STX18: variants seen among roughly 807,000 people sequenced by gnomAD.
The protein encoded by STX18 is syntaxin 18.
A neutral mutation model predicts 50.1 loss-of-function variants in STX18; 40 were observed. The ratio of observed to expected loss-of-function variants is 0.80; its 90% confidence interval spans 0.62 to 1.04. STX18 has a LOEUF of 1.04. STX18 is among the 50% of genes least tolerant of loss of function. The pLI is 0.00. For synonymous variants in STX18, 158 were observed against 151.8 expected (o/e 1.04, Z -0.30); for missense variants, 410 against 415.8 (o/e 0.99, Z 0.12).
chr4:4,441,990 G>A (rs999132938), intron 5 of STX18, among the ~76,000 whole-genome samples: 2 of 152,208 alleles, frequency 1.3e-5, no homozygotes, highest in Non-Finnish European at 2.9e-5. Flanking sequence ...GGTGTTCACT[G>A]TAAAATTCAA....
At chr4:4,514,481 A>G (rs890442356) in intron 1 of STX18, among the ~76,000 whole-genome samples, 3 of 152,216 alleles carry the variant, frequency 2.0e-5, no homozygotes, top group Non-Finnish European at 4.4e-5. Context: ...GATTTCTACT[A>G]ACTTTTAAAA....
chr4:4,474,497 C>T (rs1728076893), intron 1 of STX18, among the ~76,000 whole-genome samples: 1 of 152,192 alleles, frequency 6.6e-6, no homozygotes, highest in Non-Finnish European at 1.5e-5. Flanking sequence ...AACTCCTAAT[C>T]GCCAGAACCT....
intron 2 of STX18, among the ~76,000 whole-genome samples, chr4:4,466,861 A>G (rs966020846): frequency 2.0e-5 from 3 of 152,186 alleles, no homozygotes; most frequent in Admixed American, 1.3e-4. Flanking sequence ...TTATTACTCA[A>G]ATCAGCCTCC....
At chr4:4,478,313 G>C (rs561552100) in intron 1 of STX18, among the ~76,000 whole-genome samples, 13 of 152,220 alleles carry the variant, frequency 8.5e-5, no homozygotes, top group Admixed American at 3.3e-4. Context: ...ACGACATGGG[G>C]GGCTTTGGAT....
chr4:4,479,509 C>G (rs1344624928), intron 1 of STX18, among the ~76,000 whole-genome samples: 4 of 152,168 alleles, frequency 2.6e-5, no homozygotes, highest in Non-Finnish European at 4.4e-5. Context: ...ACAGAACTAA[C>G]AGCCACAATC....
chr4:4,465,287 C>A (rs932207448), intron 2 of STX18, among the ~76,000 whole-genome samples: 1 of 152,148 alleles, frequency 6.6e-6, no homozygotes, highest in African/African-American at 2.4e-5. Context: ...TATAAAGACA[C>A]ATGGACAAGT....
intron 1 of STX18, among the ~76,000 whole-genome samples, chr4:4,517,843 T>G (rs1464965358): frequency 6.6e-6 from 1 of 151,816 alleles, no homozygotes; most frequent in Non-Finnish European, 1.5e-5. Flanking sequence ...GGTGTGGTCT[T>G]GGCTCACTGC....
At chr4:4,439,932 C>A (rs1433842204) in intron 5 of STX18, among the ~76,000 whole-genome samples, 1 of 152,236 alleles carries the variant, frequency 6.6e-6, no homozygotes, top group African/African-American at 2.4e-5. Flanking sequence ...TAGCAGTTAT[C>A]ACAGTCTATA....
chr4:4,451,261 G>C (rs1436900401), intron 5 of STX18, among the ~76,000 whole-genome samples: 1 of 152,176 alleles, frequency 6.6e-6, no homozygotes, highest in East Asian at 1.9e-4. Flanking sequence ...AAAATTTAAA[G>C]AGAACATAAA....
intron 1 of STX18, among the ~76,000 whole-genome samples, chr4:4,489,551 G>T (rs1300240401): frequency 6.6e-6 from 1 of 151,190 alleles, no homozygotes; most frequent in Non-Finnish European, 1.5e-5. Flanking sequence ...CACCCGGCCA[G>T]AAAATATTAT....
At chr4:4,493,509 A>G (rs1175726640) in intron 1 of STX18, among the ~76,000 whole-genome samples, 1 of 152,164 alleles carries the variant, frequency 6.6e-6, no homozygotes, top group Non-Finnish European at 1.5e-5. Flanking sequence ...TCTATGATTA[A>G]AAAAAATTGT....
rs575783431 is a variant in STX18, at chr4:4,478,268, C to G, written c.169-6562G>C. 6.6e-5 allele frequency among the ~76,000 whole-genome samples: 10 copies of G among 151,158 alleles called. No homozygotes were observed. The East Asian group carries it at 1.9e-3, about 29-fold the overall frequency. ...CGTTTTCACTGATTGACATTTGTCTCCTCTGAAGTTGGCTACTACTGTTCC... is the reference window on the plus strand; with the variant it reads ...CGTTTTCACTGATTGACATTTGTCTGCTCTGAAGTTGGCTACTACTGTTCC... On this transcript the variant is annotated intron_variant, in intron 1 of 10. Coordinates refer to ENST00000306200, the MANE Select transcript of STX18 (RefSeq NM_016930.4).
At chr4:4,450,493 G>A (rs1441460097) in intron 5 of STX18, among the ~76,000 whole-genome samples, 8 of 152,110 alleles carry the variant, frequency 5.3e-5, no homozygotes, top group Admixed American at 1.3e-4. Context: ...TAGTAGAGAC[G>A]GGGTTTTGCC....
chr4:4,519,827 A>T (rs951961803), intron 1 of STX18, among the ~76,000 whole-genome samples: 1 of 152,236 alleles, frequency 6.6e-6, no homozygotes, highest in Non-Finnish European at 1.5e-5. Flanking sequence ...TACCACACTG[A>T]TACAGAAAAA....
chr4:4,444,409 C>T (rs1461890144), intron 5 of STX18, among the ~76,000 whole-genome samples: 1 of 152,192 alleles, frequency 6.6e-6, no homozygotes, highest in Non-Finnish European at 1.5e-5. Flanking sequence ...CTACGGCCTG[C>T]TATGCTAGCA....
intron 2 of STX18, among the ~76,000 whole-genome samples, chr4:4,469,011 T>TAA (rs1390807136): frequency 6.6e-6 from 1 of 151,828 alleles, no homozygotes; most frequent in Non-Finnish European, 1.5e-5. Context: ...ACATGTGGAG[T>TAA]AAAAGAAGGT....
At chr4:4,423,497 C>T in intron 9 of STX18, 21 bp downstream of exon 9, 1 of 1,612,142 alleles carries the variant, frequency 6.2e-7, no homozygotes, top group Non-Finnish European at 8.5e-7. Context: ...ACATACAGCT[C>T]CTTTGTTTTT....
At chr4:4,509,471 GGATA>G (rs1044666945) in intron 1 of STX18, among the ~76,000 whole-genome samples, 3 of 151,926 alleles carry the variant, frequency 2.0e-5, no homozygotes, top group African/African-American at 7.3e-5. Flanking sequence ...CTTGCCAGGT[GGATA>G]GATTACGAAA....
chr4:4,508,556 A>T (rs1221586032), intron 1 of STX18, among the ~76,000 whole-genome samples: 2 of 152,086 alleles, frequency 1.3e-5, no homozygotes, highest in Non-Finnish European at 2.9e-5. Context: ...TTTTTCTTCA[A>T]CTTTTATTTT....
Sources: allele counts gnomAD v4.1 joint callset (sites outside exome capture counted in the v4.1 genomes callset), GRCh38; gene constraint gnomAD v4.1.1; transcripts MANE v1.5; gene names NCBI Gene and HGNC (gene_info 2026-07-23, HGNC 2026-07-21).